CCDC63: variants seen among roughly 807,000 people sequenced by gnomAD.
CCDC63 encodes coiled-coil domain-containing protein 63.
A neutral mutation model predicts 63.6 loss-of-function variants in CCDC63; 54 were observed. That is an observed-to-expected ratio of 0.85 (90% CI 0.68 to 1.07). CCDC63 has a LOEUF of 1.07. Ranked by LOEUF, CCDC63 falls within the 50% of genes least tolerant of loss-of-function variation. The pLI is 0.00. For synonymous variants in CCDC63, 253 were observed against 266.1 expected, an observed-to-expected ratio of 0.95 and a Z score of 0.48; for missense variants, 637 against 689.6, an observed-to-expected ratio of 0.92 and a Z score of 0.86.
chr12:110,853,097 G>T, intron 2 of CCDC63, 134 bp downstream of exon 2: 1 of 1,006,936 alleles, frequency 9.9e-7, no homozygotes, highest in Non-Finnish European at 1.5e-6. Context: ...GGAGGCTGGA[G>T]GCTCAGAGAC....
At position 110,853,501 on chromosome 12, in the gene CCDC63, C is replaced by G; in HGVS notation, c.106C>G (p.Gln36Glu). The G allele has an allele frequency of 6.2e-7, 1 of 1,614,192 alleles. No homozygotes were observed. Among genetic ancestry groups the G allele is most frequent in the Non-Finnish European group, 8.5e-7 (1 of 1,180,032 alleles). ...GGAGGCAGAGCTCCGGAAGCTAAGG[C>G]AGCAGTTCAGGAAGATGGTGGAAAG... ...QAEAELRKLR[Q>E]QFRKMVESRK... The change falls in exon 3 of 12, where the codon CAG becomes GAG. Residue 36 changes from glutamine to glutamate, a missense_variant. Gln to Glu is a conservative substitution (Grantham distance 29, BLOSUM62 2). Transcript: ENST00000308208.
chr12:110,855,883 G>A (rs903883580), intron 3 of CCDC63, among the ~76,000 whole-genome samples: 6 of 151,348 alleles, frequency 4.0e-5, no homozygotes, highest in African/African-American at 1.2e-4. Flanking sequence ...ACCAGGCCAA[G>A]TTTAGGTTCT....
At position 110,858,723 on chromosome 12, in the gene CCDC63, A is replaced by G; in HGVS notation, c.317A>G (p.Tyr106Cys). ...CTCCTGCTCCAAACTAAGGAGGACT[A>G]TGAGGCATTGATTAAATCCCTGAAA... The part of the protein sequence containing the change: ...LRLLLQTKED[Y>C]EALIKSLKVL... The change falls in exon 4 of 12, where the codon TAT (tyrosine) becomes TGT (cysteine). Residue 106 changes from tyrosine to cysteine, a missense_variant. Physicochemically the swap from Tyr to Cys is radical, Grantham distance 194 (BLOSUM62 -2). Transcript: ENST00000308208. 4.3e-6 allele frequency: 7 copies of G among 1,614,114 alleles called. No individual in the cohort carries two copies. The highest frequency in any genetic ancestry group is 1.3e-5 in the African/African-American group (1 of 75,060).
intron 3 of CCDC63, among the ~76,000 whole-genome samples, chr12:110,855,635 G>A (rs1366568646): frequency 1.3e-5 from 2 of 152,174 alleles, no homozygotes; most frequent in African/African-American, 2.4e-5. Context: ...AGGCTGGAGT[G>A]CAATGGTGCG....
Position 110,907,245 on chromosome 12 carries a change from G to C in CCDC63, c.1547-86G>C. ...GAGAATTTCCATGCTCCACTCCCCAGTGCTATGGAGGGACGCCAAACCAGG... is the reference window on the plus strand; with the variant it reads ...GAGAATTTCCATGCTCCACTCCCCACTGCTATGGAGGGACGCCAAACCAGG... On this transcript the variant is annotated intron_variant, in intron 11 of 11. Coordinates refer to ENST00000308208, the MANE Select transcript of CCDC63 (RefSeq NM_152591.3). This position sits in a 1 kb window ranked among gnomAD's most constrained non-coding sequence, Gnocchi z 4.4. 1 of 1,361,328 alleles carries C rather than the reference G, an allele frequency of 7.3e-7. No homozygotes were observed. The highest frequency in any genetic ancestry group is 1.0e-6 in the Non-Finnish European group (1 of 990,892). 84.3% of individuals were successfully genotyped at this position (1,361,328 alleles called of 1,614,324 possible). A position where few individuals can be genotyped will look rare whatever the true frequency, so the allele number is the denominator to read the frequency against.
chr12:110,889,196 T>C lies in CCDC63; in HGVS notation c.1075-3880T>C, dbSNP rs1023212846. Among the ~76,000 whole-genome samples, 41 of 152,210 alleles carry C rather than the reference T, an allele frequency of 2.7e-4. No individual in the cohort carries two copies. Among genetic ancestry groups the C allele is most frequent in the African/African-American group, 9.9e-4 (41 of 41,450 alleles). On this transcript the variant is annotated intron_variant, in intron 8 of 11. Coordinates refer to ENST00000308208, the MANE Select transcript of CCDC63 (RefSeq NM_152591.3). The surrounding 1 kb of genome is among the most constrained non-coding windows in gnomAD (Gnocchi z 4.1). ...TACTCGTTCATCCAGCAAGTATTTA[T>C]TGAGCACCTACTGCGTTCCAGACAC...
At chr12:110,863,018 A>T (rs2070880255) in intron 4 of CCDC63, among the ~76,000 whole-genome samples, 1 of 152,100 alleles carries the variant, frequency 6.6e-6, no homozygotes, top group Non-Finnish European at 1.5e-5. Context: ...GGCCTCCCAA[A>T]GTGTTGGGAT....
At position 110,881,252 on chromosome 12, in the gene CCDC63, T is replaced by C; in HGVS notation, c.809T>C (p.Leu270Pro). The C allele has an allele frequency of 6.2e-7, 1 of 1,613,842 alleles. No homozygotes were observed. Among genetic ancestry groups the C allele is most frequent in the Non-Finnish European group, 8.5e-7 (1 of 1,179,896 alleles). The change falls in exon 7 of 12, where the codon CTG (leucine) becomes CCG (proline). Residue 270 changes from leucine to proline, a missense_variant. Transcript: ENST00000308208. The part of the protein sequence containing the change: ...SKLKSFLLVK[L>P]NDRNEFEEQA... ...CTCAAGTCCTTCCTGCTCGTCAAGC[T>C]GAATGATCGCAATGAATTCGAGGAG... is the stretch of plus-strand genomic sequence containing the variant.
At chr12:110,877,220 T>C (rs1244823738) in intron 5 of CCDC63, among the ~76,000 whole-genome samples, 1 of 151,560 alleles carries the variant, frequency 6.6e-6, no homozygotes, top group East Asian at 1.9e-4. Context: ...ACAATTTTTT[T>C]TTTTTTTTTT....
upstream of CCDC63, among the ~76,000 whole-genome samples, chr12:110,844,902 T>C (rs1176154346): frequency 6.6e-6 from 1 of 152,196 alleles, no homozygotes; most frequent in Non-Finnish European, 1.5e-5. Context: ...GACTGTCAGT[T>C]TTCTGGTCTG....
At chr12:110,900,781 G>T (rs2071476087) in intron 10 of CCDC63, among the ~76,000 whole-genome samples, 3 of 152,100 alleles carry the variant, frequency 2.0e-5, no homozygotes, top group Non-Finnish European at 4.4e-5. Flanking sequence ...TGTATTTTTA[G>T]TAGAGATGGG....
chr12:110,890,064 G>A (rs111632051), intron 8 of CCDC63, among the ~76,000 whole-genome samples: 2,127 of 152,150 alleles, frequency 0.014, 28 homozygotes, highest in Non-Finnish European at 0.022. Flanking sequence ...AGGCCGAGGT[G>A]GGCGGATCAC....
rs773685692 is a variant in CCDC63, at chr12:110,904,765, AC to A, written c.1524del (p.Phe509SerfsTer27). 6.2e-7 allele frequency: 1 copy of A among 1,610,364 alleles called. No homozygotes were observed. Among genetic ancestry groups the A allele is most frequent in the South Asian group, 1.1e-5 (1 of 90,708 alleles). On this transcript the variant is annotated frameshift_variant, in exon 11 of 12. Coordinates refer to ENST00000308208, the MANE Select transcript of CCDC63 (RefSeq NM_152591.3). LOFTEE classifies it low-confidence loss of function (END_TRUNC). ...GTCATCCCCCCAGTGCTGGGGGCTG[AC>A]CCCTTCAGCGACAGGTTGGATGATG... ...IKVIPPVLGA[D>X]PFSDRLDDVE... is the part of the protein sequence containing the mutation.
intron 3 of CCDC63, among the ~76,000 whole-genome samples, 177 bp downstream of exon 3, chr12:110,853,751 T>G (rs1367351527): frequency 6.6e-6 from 1 of 152,162 alleles, no homozygotes; most frequent in Non-Finnish European, 1.5e-5. Flanking sequence ...TCACTTGAGA[T>G]GGCTTCAGTG....
chr12:110,892,987 A>G, intron 8 of CCDC63, 89 bp from the exon 9 acceptor site: 1 of 1,007,540 alleles, frequency 9.9e-7, no homozygotes, highest in Admixed American at 2.0e-5. Context: ...TGAAATCCTC[A>G]TCGACTCTTT....
At chr12:110,906,695 G>A (rs2071590551) in intron 11 of CCDC63, among the ~76,000 whole-genome samples, 1 of 152,028 alleles carries the variant, frequency 6.6e-6, no homozygotes, top group Non-Finnish European at 1.5e-5. Flanking sequence ...GATCCTGTGT[G>A]TTTCAGCTGA....
chr12:110,864,659 G>A (rs1410580362), intron 4 of CCDC63, among the ~76,000 whole-genome samples: 1 of 148,624 alleles, frequency 6.7e-6, no homozygotes, highest in Non-Finnish European at 1.5e-5. Flanking sequence ...AGTGAGCCAA[G>A]ATCACGCCAC....
At chr12:110,884,866 T>TG (rs1253734304) in intron 8 of CCDC63, among the ~76,000 whole-genome samples, 1 of 150,630 alleles carries the variant, frequency 6.6e-6, no homozygotes, top group African/African-American at 2.4e-5. Flanking sequence ...TTTTTTTTTT[T>TG]TTTTGTATTT....
Position 110,853,390 on chromosome 12 carries a change from C to G in CCDC63, c.10-15C>G. The G allele has an allele frequency of 6.2e-7, 1 of 1,604,642 alleles. No individual in the cohort carries two copies. The highest frequency in any genetic ancestry group is 1.1e-5 in the South Asian group (1 of 89,832). ...TGGCCCACTACGGCCTCCCACTCCT[C>G]TCCATCTCCCCCAGTTGAAGAAGAA... On this transcript the variant is annotated splice_polypyrimidine_tract_variant and intron_variant, in intron 2 of 11. Transcript: ENST00000308208.
Sources: allele counts gnomAD v4.1 joint callset (sites outside exome capture counted in the v4.1 genomes callset), GRCh38; gene constraint gnomAD v4.1.1; non-coding constraint Gnocchi (gnomAD v3.1); transcripts MANE v1.5; gene names NCBI Gene and HGNC (gene_info 2026-07-23, HGNC 2026-07-21).